Variants in ARFIP1 observed in about 807,000 individuals in gnomAD.
ARFIP1 encodes the protein ARF interacting protein 1.
Under a neutral mutation model 42.5 loss-of-function variants are expected in ARFIP1, and 24 were observed. The observed-to-expected ratio is 0.57, with a 90% CI of 0.41 to 0.80. The LOEUF (loss-of-function observed/expected upper bound fraction) is 0.80. Among genes scored for constraint, ARFIP1 ranks in the 30% least tolerant of loss-of-function variants. ARFIP1 has a pLI of 0.00. For missense variants in ARFIP1, 354 were observed against 434.0 expected (o/e 0.82, Z 1.64); for synonymous variants, 141 against 153.7 (o/e 0.92, Z 0.61).
chr4:152,871,141 G>A (rs1370646992), intron 4 of ARFIP1, among the ~76,000 whole-genome samples: 1 of 152,120 alleles, frequency 6.6e-6, no homozygotes, highest in Non-Finnish European at 1.5e-5. Flanking sequence ...GAAATTGTAG[G>A]TTTACTGTTT....
chr4:152,797,504 T>C (rs1020988626), intron 1 of ARFIP1, among the ~76,000 whole-genome samples: 97 of 152,224 alleles, frequency 6.4e-4, no homozygotes, highest in Non-Finnish European at 9.0e-4. Context: ...AGCTTGTTAG[T>C]ATTTTCATTG....
chr4:152,831,977 T>C (rs1200760275), intron 2 of ARFIP1, among the ~76,000 whole-genome samples: 3 of 151,696 alleles, frequency 2.0e-5, no homozygotes, highest in African/African-American at 4.8e-5. Context: ...GTAGTATAGT[T>C]TTCCAGTGTG....
chr4:152,847,170 G>A (rs1199562434), intron 2 of ARFIP1, among the ~76,000 whole-genome samples: 5 of 99,192 alleles, frequency 5.0e-5, no homozygotes, highest in African/African-American at 7.7e-5. Context: ...TCACTCTGTC[G>A]CCCCCAGGCC....
chr4:152,819,045 G>A (rs1288433499), intron 1 of ARFIP1, among the ~76,000 whole-genome samples: 2 of 152,138 alleles, frequency 1.3e-5, no homozygotes, highest in Non-Finnish European at 2.9e-5. Flanking sequence ...TGCCCTGGTC[G>A]TGTAACACAA....
At chr4:152,860,696 A>G (rs1733819746) in intron 2 of ARFIP1, among the ~76,000 whole-genome samples, 1 of 152,162 alleles carries the variant, frequency 6.6e-6, no homozygotes, top group Non-Finnish European at 1.5e-5. Flanking sequence ...CCCAGACACA[A>G]TCCCCTCCGT....
chr4:152,830,917 G>C (rs1219925283), intron 2 of ARFIP1, among the ~76,000 whole-genome samples: 1 of 152,128 alleles, frequency 6.6e-6, no homozygotes, highest in Non-Finnish European at 1.5e-5. Context: ...TGCATTAACA[G>C]TCTTTTGAAA....
At chr4:152,900,218 CA>C (rs1554036156) in intron 8 of ARFIP1, among the ~76,000 whole-genome samples, 1 of 151,960 alleles carries the variant, frequency 6.6e-6, no homozygotes, top group Non-Finnish European at 1.5e-5. Flanking sequence ...AAACATAGAA[CA>C]AAAAAGGCGA....
At chr4:152,879,206 G>T (rs756243127) in intron 5 of ARFIP1, among the ~76,000 whole-genome samples, 56 of 151,748 alleles carry the variant, frequency 3.7e-4, no homozygotes, top group Non-Finnish European at 6.0e-4. Context: ...AGTTTATAAG[G>T]CTCCTTAGTT....
At chr4:152,784,869 T>C (rs1010975740) in intron 1 of ARFIP1, among the ~76,000 whole-genome samples, 2 of 152,256 alleles carry the variant, frequency 1.3e-5, no homozygotes, top group African/African-American at 2.4e-5. Context: ...TGTGATAGCA[T>C]TGGACTAGCA....
At chr4:152,786,001 A>G (rs1021691846) in intron 1 of ARFIP1, among the ~76,000 whole-genome samples, 1 of 152,186 alleles carries the variant, frequency 6.6e-6, no homozygotes, top group Admixed American at 6.5e-5. Flanking sequence ...TAATTCCTAT[A>G]TTGTTGAACC....
At chr4:152,868,029 G>T (rs1226170693) in intron 3 of ARFIP1, among the ~76,000 whole-genome samples, 1 of 152,146 alleles carries the variant, frequency 6.6e-6, no homozygotes, top group Non-Finnish European at 1.5e-5. Context: ...AGGAATTAGG[G>T]CTGTGTTAGC....
intron 1 of ARFIP1, among the ~76,000 whole-genome samples, chr4:152,797,836 A>G (rs542406212): frequency 5.9e-5 from 9 of 152,254 alleles, no homozygotes; most frequent in African/African-American, 2.2e-4. Flanking sequence ...TGATTCTTCA[A>G]GGGTTTTTAG....
intron 1 of ARFIP1, among the ~76,000 whole-genome samples, chr4:152,810,834 T>C (rs774264619): frequency 2.4e-4 from 36 of 152,202 alleles, no homozygotes; most frequent in Middle Eastern, 3.4e-3. Flanking sequence ...GATGGTGTGC[T>C]ATTCCACATC....
In ARFIP1 at chr4:152,852,488, C is replaced by G. The variant is rs977111416; in HGVS notation, c.94-11118C>G. ...TCTACTAAAATACAAAAGAAATTAG[C>G]CAGGTGTGGCAGCGTGTGCCTATAT... On this transcript the variant is annotated intron_variant, in intron 2 of 8. Transcript: ENST00000353617. 3.3e-5 allele frequency among the ~76,000 whole-genome samples: 5 copies of G among 152,068 alleles called. No individual in the cohort carries two copies. In the South Asian group the frequency reaches 1.0e-3, roughly 32 times the overall value.
intron 7 of ARFIP1, among the ~76,000 whole-genome samples, chr4:152,884,211 G>A (rs1270371083): frequency 6.6e-6 from 1 of 151,932 alleles, no homozygotes; most frequent in Non-Finnish European, 1.5e-5. Flanking sequence ...TTGTATGGAG[G>A]GGTAAGGGTG....
chr4:152,909,427 G>T (rs143215322), intron 8 of ARFIP1, among the ~76,000 whole-genome samples: 1 of 152,162 alleles, frequency 6.6e-6, no homozygotes, highest in East Asian at 1.9e-4. Context: ...TCAGGAAACA[G>T]TTTATAAATC....
intron 1 of ARFIP1, among the ~76,000 whole-genome samples, chr4:152,786,291 G>A (rs1348368581): frequency 1.3e-5 from 2 of 152,236 alleles, no homozygotes; most frequent in South Asian, 4.2e-4. Flanking sequence ...TATCTTAAAG[G>A]TATCTCAAAT....
At chr4:152,866,868 G>T (rs1244848290) in intron 3 of ARFIP1, among the ~76,000 whole-genome samples, 1 of 151,424 alleles carries the variant, frequency 6.6e-6, no homozygotes, top group East Asian at 2.0e-4. Flanking sequence ...GGGGCGGCGG[G>T]GCAGAGGCAC....
intron 1 of ARFIP1, among the ~76,000 whole-genome samples, chr4:152,789,270 T>TAGTAGAGAGAGGA (rs986257625): frequency 6.6e-5 from 10 of 151,818 alleles, no homozygotes; most frequent in African/African-American, 2.4e-4. Flanking sequence ...TTTGTATTTT[T>TAGTAGAGAGAGGA]AGTAGAGAGA....
Sources: allele counts gnomAD v4.1 joint callset (sites outside exome capture counted in the v4.1 genomes callset), GRCh38; gene constraint gnomAD v4.1.1; transcripts MANE v1.5; gene names NCBI Gene and HGNC (gene_info 2026-07-23, HGNC 2026-07-21).